Variants in PRKD1 observed in about 807,000 individuals in gnomAD.
The protein encoded by PRKD1 is serine/threonine-protein kinase D1.
Under a neutral mutation model 95.9 loss-of-function variants are expected in PRKD1, and 63 were observed. The observed-to-expected ratio is 0.66, with a 90% CI of 0.54 to 0.81. PRKD1 has a LOEUF of 0.81. Among genes scored for constraint, PRKD1 ranks in the 30% least tolerant of loss-of-function variants. The pLI, the probability that PRKD1 is intolerant of heterozygous loss-of-function variation, is 0.00. For synonymous variants in PRKD1, 425 were observed against 423.1 expected (o/e 1.00, Z -0.05); for missense variants, 1,048 against 1,165.3 (o/e 0.90, Z 1.47).
At chr14:29,641,157 CAAT>C (rs1210601283) in intron 4 of PRKD1, among the ~76,000 whole-genome samples, 2 of 152,104 alleles carry the variant, frequency 1.3e-5, no homozygotes, top group Non-Finnish European at 2.9e-5. Context: ...CATTTTCAGG[CAAT>C]AATGAGATTT....
At chr14:29,910,999 T>A (rs1174515714) in intron 1 of PRKD1, among the ~76,000 whole-genome samples, 1 of 152,196 alleles carries the variant, frequency 6.6e-6, no homozygotes, top group Non-Finnish European at 1.5e-5. Flanking sequence ...GGTTTGAAAT[T>A]AAACATAGAG....
intron 4 of PRKD1, among the ~76,000 whole-genome samples, chr14:29,661,185 C>T (rs757900615): frequency 2.6e-5 from 4 of 152,072 alleles, no homozygotes; most frequent in Non-Finnish European, 5.9e-5. Flanking sequence ...ACTTTATAGT[C>T]AAAATAGGCA....
intron 1 of PRKD1, among the ~76,000 whole-genome samples, chr14:29,753,278 T>C (rs1456306906): frequency 6.6e-6 from 1 of 152,180 alleles, no homozygotes; most frequent in East Asian, 1.9e-4. Context: ...TATGTCATAA[T>C]GAGTATCCAC....
intron 1 of PRKD1, among the ~76,000 whole-genome samples, chr14:29,817,870 T>A (rs1890754762): frequency 6.6e-6 from 1 of 152,168 alleles, no homozygotes; most frequent in Non-Finnish European, 1.5e-5. Flanking sequence ...AGCTTTGCCA[T>A]TTTTTTCTTC....
chr14:29,611,138 T>C (rs1878430115), intron 13 of PRKD1, among the ~76,000 whole-genome samples: 1 of 152,140 alleles, frequency 6.6e-6, no homozygotes, highest in Non-Finnish European at 1.5e-5. Flanking sequence ...TGATGTAAAC[T>C]ATGGACTTCA....
chr14:29,884,861 G>A (rs1342088708), intron 1 of PRKD1, among the ~76,000 whole-genome samples: 4 of 152,086 alleles, frequency 2.6e-5, no homozygotes, highest in Non-Finnish European at 4.4e-5. Context: ...AGTGGCTCAC[G>A]CCTGTAATCC....
At chr14:29,579,990 C>G (rs1051724162) in intron 16 of PRKD1, among the ~76,000 whole-genome samples, 2 of 152,124 alleles carry the variant, frequency 1.3e-5, no homozygotes, top group African/African-American at 2.4e-5. Flanking sequence ...ACCTTCCATT[C>G]TTGCTGCTGT....
At chr14:29,623,703 GT>G (rs1879430191) in intron 13 of PRKD1, among the ~76,000 whole-genome samples, 1 of 152,294 alleles carries the variant, frequency 6.6e-6, no homozygotes, top group Admixed American at 6.5e-5. Flanking sequence ...AAGGCTTACA[GT>G]GAGAGACAAA....
chr14:29,806,845 C>T (rs1316853772), intron 1 of PRKD1, among the ~76,000 whole-genome samples: 3 of 152,088 alleles, frequency 2.0e-5, no homozygotes, highest in Non-Finnish European at 4.4e-5. Context: ...GTTATAAAAA[C>T]ATGCCAGGAA....
chr14:29,676,574 C>T (rs908064654), intron 2 of PRKD1, among the ~76,000 whole-genome samples: 6 of 152,096 alleles, frequency 3.9e-5, no homozygotes, highest in Non-Finnish European at 5.9e-5. Context: ...AGGATGGTCT[C>T]CATCTCCTGA....
chr14:29,896,762 T>C (rs148582688), intron 1 of PRKD1, among the ~76,000 whole-genome samples: 40 of 150,436 alleles, frequency 2.7e-4, no homozygotes, highest in South Asian at 2.5e-3. Context: ...GGAACCTCCT[T>C]GCCTTCTGTC....
At chr14:29,903,773 C>T (rs1017784915) in intron 1 of PRKD1, among the ~76,000 whole-genome samples, 2 of 152,118 alleles carry the variant, frequency 1.3e-5, no homozygotes. Context: ...TTTATTAAGG[C>T]TGGGTACTGA....
At chr14:29,747,238 T>G (rs528684656) in intron 1 of PRKD1, among the ~76,000 whole-genome samples, 22 of 151,982 alleles carry the variant, frequency 1.4e-4, no homozygotes, top group Non-Finnish European at 2.9e-4. Flanking sequence ...ATTTTAAAAA[T>G]AAGGTACCCA....
chr14:29,689,139 C>G (rs926170714), intron 2 of PRKD1, among the ~76,000 whole-genome samples: 1 of 151,822 alleles, frequency 6.6e-6, no homozygotes, highest in Non-Finnish European at 1.5e-5. Context: ...TAAAGAGCTT[C>G]TGCACAACAA....
intron 1 of PRKD1, among the ~76,000 whole-genome samples, chr14:29,876,918 G>T (rs566003899): frequency 6.6e-6 from 1 of 152,092 alleles, no homozygotes; most frequent in Non-Finnish European, 1.5e-5. Flanking sequence ...TTGGGAGGCC[G>T]AGGCAGGAGG....
At chr14:29,614,937 A>T (rs12897466) in intron 13 of PRKD1, among the ~76,000 whole-genome samples, 1 of 145,638 alleles carries the variant, frequency 6.9e-6, no homozygotes, top group Non-Finnish European at 1.5e-5. Context: ...GTCTTGAACT[A>T]CTGAGCTCAG....
At chr14:29,806,725 C>T (rs1890251736) in intron 1 of PRKD1, among the ~76,000 whole-genome samples, 1 of 152,102 alleles carries the variant, frequency 6.6e-6, no homozygotes, top group Non-Finnish European at 1.5e-5. Flanking sequence ...CAAAGGACTG[C>T]CTGTAAGCAT....
Position 29,785,834 on chromosome 14 carries a change from A to AAAAT in PRKD1, c.265-60164_265-60161dup, listed in dbSNP as rs371063911. 4.0e-3 allele frequency among the ~76,000 whole-genome samples: 604 copies of AAAAT among 150,774 alleles called. 2 individuals are homozygous for AAAAT. The highest frequency in any genetic ancestry group is 5.1e-3 in the Non-Finnish European group (347 of 67,776). On this transcript the variant is annotated intron_variant, in intron 1 of 17. Coordinates refer to ENST00000331968, the MANE Select transcript of PRKD1 (RefSeq NM_002742.3). The stretch of plus-strand genomic sequence containing the variant: ...ACTTAAAGTATAATCATAATAAAAT[A>AAAAT]AAATAAATAAATAAATAAATAAATA...
At chr14:29,676,182 T>TG (rs1883194002) in intron 2 of PRKD1, among the ~76,000 whole-genome samples, 1 of 110,332 alleles carries the variant, frequency 9.1e-6, no homozygotes, top group African/African-American at 4.9e-5. Context: ...ATTACGTTTT[T>TG]GTTTTTTTTT....
Sources: allele counts gnomAD v4.1 joint callset (sites outside exome capture counted in the v4.1 genomes callset), GRCh38; gene constraint gnomAD v4.1.1; transcripts MANE v1.5; gene names NCBI Gene and HGNC (gene_info 2026-07-23, HGNC 2026-07-21).